Variants in FREM3 observed in about 807,000 individuals in gnomAD.
FREM3 encodes the protein FRAS1-related extracellular matrix protein 3.
FREM3 carries 105 observed loss-of-function variants against 129.1 expected under a neutral mutation model. The observed-to-expected ratio is 0.81, with a 90% confidence interval of 0.69 to 0.96. The LOEUF (loss-of-function observed/expected upper bound fraction) is 0.96. Among genes scored for constraint, FREM3 ranks in the 40% least tolerant of loss-of-function variants. FREM3 has a pLI of 0.00. For missense variants in FREM3, 2,593 were observed against 2,666.3 expected (o/e 0.97, Z 0.61); for synonymous variants, 1,014 against 1,044.9 (o/e 0.97, Z 0.57).
intron 2 of FREM3, among the ~76,000 whole-genome samples, chr4:143,635,897 G>T (rs112914409): frequency 1.3e-5 from 2 of 152,208 alleles, no homozygotes; most frequent in African/African-American, 4.8e-5. Flanking sequence ...ACTTTTTTCA[G>T]ACAGTATTTT....
At chr4:143,608,380 CAA>C (rs752383596) in intron 6 of FREM3, among the ~76,000 whole-genome samples, 1 of 152,130 alleles carries the variant, frequency 6.6e-6, no homozygotes, top group African/African-American at 2.4e-5. Context: ...AGCATACCAA[CAA>C]AGTCATATAA....
chr4:143,684,848 A>G (rs1436361539), intron 2 of FREM3, among the ~76,000 whole-genome samples: 1 of 152,218 alleles, frequency 6.6e-6, no homozygotes, highest in African/African-American at 2.4e-5. Context: ...ATACACTTTT[A>G]GAAATGTGAA....
intron 6 of FREM3, 136 bp downstream of exon 6, chr4:143,611,143 T>C (rs1560843881): frequency 1.1e-6 from 1 of 920,214 alleles, no homozygotes; most frequent in East Asian, 2.7e-5. Flanking sequence ...GAAGAGCTAC[T>C]CACAGTTTTT....
chr4:143,700,587 T>G lies in FREM3; in HGVS notation c.89A>C (p.Gln30Pro). The change falls in exon 1 of 8, where the codon CAG (glutamine) becomes CCG (proline). Residue 30 changes from glutamine (Q) to proline (P), a missense_variant. This residue lies in a region of FREM3 where 2,276 missense variants were observed against 2,267.2 expected (regional missense o/e 1.00). Transcript: ENST00000329798. ...GGTCCCAAGTGAGGATGCCCGTCCC[T>G]GCAGCGCGGGGCGACTCAAGAGCAG... ...ACLLLSRPAL[Q>P]GRASSLGTEP... is the part of the protein sequence containing the mutation. 1 of 1,483,774 alleles carries G rather than the reference T, an allele frequency of 6.7e-7. No homozygotes were observed. Among genetic ancestry groups the G allele is most frequent in the East Asian group, 2.5e-5 (1 of 39,810 alleles). The allele number at this position is 1,483,774 out of a possible 1,614,324, so 91.9% of individuals were successfully genotyped here. A position where few individuals can be genotyped will look rare whatever the true frequency, so the allele number is the denominator to read the frequency against.
intron 2 of FREM3, among the ~76,000 whole-genome samples, chr4:143,660,199 G>A (rs1466229974): frequency 6.8e-6 from 1 of 147,936 alleles, no homozygotes. Flanking sequence ...TTTCTTCTAG[G>A]GTTTTTAATG....
At chr4:143,626,727 C>T (rs890214435) in intron 3 of FREM3, among the ~76,000 whole-genome samples, 3 of 152,040 alleles carry the variant, frequency 2.0e-5, no homozygotes, top group African/African-American at 7.2e-5. Flanking sequence ...GAGAACAGTC[C>T]TATTTTAGGA....
chr4:143,688,963 T>TA (rs1452858302), intron 2 of FREM3, among the ~76,000 whole-genome samples: 1 of 152,170 alleles, frequency 6.6e-6, no homozygotes, highest in Non-Finnish European at 1.5e-5. Flanking sequence ...GACATTGGCT[T>TA]AGCCAAGGAT....
intron 2 of FREM3, among the ~76,000 whole-genome samples, chr4:143,632,196 C>G (rs963432916): frequency 7.7e-6 from 1 of 130,586 alleles, no homozygotes; most frequent in East Asian, 2.0e-4. Flanking sequence ...GAGGATAGAA[C>G]AGTGAAATCA....
At chr4:143,679,378 G>C (rs1005232148) in intron 2 of FREM3, among the ~76,000 whole-genome samples, 1 of 152,074 alleles carries the variant, frequency 6.6e-6, no homozygotes, top group Non-Finnish European at 1.5e-5. Flanking sequence ...TTTTAGAAAA[G>C]AGCAATTTGT....
At chr4:143,662,459 G>T (rs1321990441) in intron 2 of FREM3, among the ~76,000 whole-genome samples, 3 of 151,906 alleles carry the variant, frequency 2.0e-5, no homozygotes, top group African/African-American at 7.3e-5. Flanking sequence ...GAGACAGTTT[G>T]TTATAATTTC....
Position 143,698,341 on chromosome 4 carries a change from G to T in FREM3, c.2335C>A (p.Gln779Lys), listed in dbSNP as rs1312417356. ...DTLIMHFTQAQVNQHKVAYQP... is the reference protein window; with the variant it reads ...DTLIMHFTQAKVNQHKVAYQP... ...TAGGCAACTTTATGCTGATTTACCTGGGCTTGGGTAAAGTGCATGATGAGT... is the reference window on the plus strand; with the variant it reads ...TAGGCAACTTTATGCTGATTTACCTTGGCTTGGGTAAAGTGCATGATGAGT... The change falls in exon 1 of 8, where the codon CAG (glutamine) becomes AAG (lysine). Residue 779 changes from glutamine to lysine, a missense_variant. By Grantham distance (53) the Gln-to-Lys change is moderately conservative (BLOSUM62 1). Around this residue, in one of 2 missense-constraint regions of FREM3, gnomAD observed 2,276 missense variants for 2,267.2 expected, o/e 1.00. Transcript: ENST00000329798. The T allele has an allele frequency of 6.5e-7, 1 of 1,537,872 alleles. No individual in the cohort carries two copies.
chr4:143,620,417 C>T (rs765063536), intron 5 of FREM3, among the ~76,000 whole-genome samples: 4 of 152,108 alleles, frequency 2.6e-5, no homozygotes, highest in Non-Finnish European at 4.4e-5. Context: ...CATTTGTTTC[C>T]GTAATTTTCG....
intron 6 of FREM3, chr4:143,601,999 T>A (rs1433158515): frequency 6.6e-6 from 1 of 152,128 alleles, no homozygotes; most frequent in Non-Finnish European, 1.5e-5. Flanking sequence ...CTTGGGTATA[T>A]CTTTAGGTTG....
chr4:143,590,161 T>C (rs1403852728), intron 6 of FREM3, among the ~76,000 whole-genome samples: 1 of 152,166 alleles, frequency 6.6e-6, no homozygotes, highest in Non-Finnish European at 1.5e-5. Flanking sequence ...GTTTTCTAGA[T>C]ATACAATCAT....
At chr4:143,618,629 C>A (rs1023400154) in intron 5 of FREM3, among the ~76,000 whole-genome samples, 3 of 152,136 alleles carry the variant, frequency 2.0e-5, no homozygotes, top group African/African-American at 7.2e-5. Context: ...TATGGTGGCA[C>A]ACACCTGTAG....
chr4:143,608,972 C>A (rs1738711152), intron 6 of FREM3, among the ~76,000 whole-genome samples: 2 of 152,108 alleles, frequency 1.3e-5, no homozygotes, highest in African/African-American at 4.8e-5. Context: ...CTACAGGATG[C>A]ATCATTTTTG....
Position 143,699,736 on chromosome 4 carries a change from T to C in FREM3, c.940A>G (p.Met314Val). 1.3e-6 allele frequency: 2 copies of C among 1,519,008 alleles called. No homozygotes were observed. Among genetic ancestry groups the C allele is most frequent in the South Asian group, 1.2e-5 (1 of 81,554 alleles). 94.1% of individuals were successfully genotyped at this position (1,519,008 alleles called of 1,614,324 possible). A position where few individuals can be genotyped will look rare whatever the true frequency, so the allele number is the denominator to read the frequency against. The change falls in exon 1 of 8, where the codon ATG becomes GTG. Residue 314 changes from methionine to valine, a missense_variant. Coordinates refer to ENST00000329798, the MANE Select transcript of FREM3 (RefSeq NM_001168235.2). This position sits in a 1 kb window ranked among gnomAD's most constrained non-coding sequence, Gnocchi z 4.2. ...PPRPSFMATM[M>V]MEVDPLVLTA... ...AGCACCAGTGGATCCACCTCCATCATCATCGTGGCCATGAAGCTGGGCCTG... is the reference window on the plus strand; with the variant it reads ...AGCACCAGTGGATCCACCTCCATCACCATCGTGGCCATGAAGCTGGGCCTG...
intron 2 of FREM3, among the ~76,000 whole-genome samples, chr4:143,678,058 A>T (rs573991478): frequency 1.3e-5 from 2 of 152,358 alleles, no homozygotes; most frequent in South Asian, 4.1e-4. Context: ...CCAAAGGAAT[A>T]TAAATCATGC....
At chr4:143,633,170 A>G (rs1242764952) in intron 2 of FREM3, among the ~76,000 whole-genome samples, 3 of 152,168 alleles carry the variant, frequency 2.0e-5, no homozygotes, top group East Asian at 3.9e-4. Flanking sequence ...CCTAGTGGCA[A>G]CGGTCATCCA....
Sources: gnomAD v4.1 joint callset for allele counts (sites outside exome capture counted in the v4.1 genomes callset) on GRCh38, gnomAD v4.1.1 for gene constraint, gnomAD v4.1.1 regional missense constraint, Gnocchi (gnomAD v3.1) non-coding constraint, MANE v1.5 for transcripts, NCBI Gene and HGNC (gene_info 2026-07-23, HGNC 2026-07-21) for gene names.